The following VDR variants were observed in gnomAD, a reference collection of about 807,000 sequenced individuals.
VDR encodes vitamin D receptor.
A neutral mutation model predicts 39.7 loss-of-function variants in VDR; 19 were observed. That is an observed-to-expected ratio of 0.48 (90% CI 0.33 to 0.70). The LOEUF is 0.70. Ranked by LOEUF, VDR falls within the 30% of genes least tolerant of loss-of-function variation. The pLI is 0.02. For synonymous variants in VDR, 242 were observed against 215.8 expected, an observed-to-expected ratio of 1.12 and a Z score of -1.07; for missense variants, 442 against 570.5, an observed-to-expected ratio of 0.77 and a Z score of 2.29.
chr12:47,902,170 C>T (rs1054215641), intron 1 of VDR, among the ~76,000 whole-genome samples: 2 of 152,210 alleles, frequency 1.3e-5, no homozygotes, highest in African/African-American at 4.8e-5. Flanking sequence ...GTCCATTGTC[C>T]TGGTATAACC....
chr12:47,858,834 T>C (rs778392076), intron 4 of VDR, among the ~76,000 whole-genome samples: 16 of 152,278 alleles, frequency 1.1e-4, no homozygotes, highest in Non-Finnish European at 2.2e-4. Context: ...GAAAGGTCCA[T>C]TGGCCCAGGC....
intron 3 of VDR, among the ~76,000 whole-genome samples, chr12:47,877,001 A>G (rs1051935644): frequency 2.0e-5 from 3 of 152,218 alleles, no homozygotes; most frequent in African/African-American, 7.2e-5. Context: ...GACTGACAAG[A>G]TATGACCTTC....
In VDR at chr12:47,844,972, T is replaced by C. The variant is rs149373127; in HGVS notation, c.1058A>G (p.Glu353Gly). The change falls in exon 10 of 10, where the codon GAG (glutamate) becomes GGG (glycine). Residue 353 changes from glutamate to glycine, a missense_variant. This residue lies in a region of VDR where 173 missense variants were observed against 252.0 expected (regional missense o/e 0.69). Coordinates refer to ENST00000549336, the MANE Select transcript of VDR (RefSeq NM_000376.3). ...RPGVQDAALI[E>G]AIQDRLSNTL... ...GTTGGACAGGCGGTCCTGGATGGCC[T>C]CAATCAGCGCGGCGTCCTGCACCCC... The C allele has an allele frequency of 6.2e-7, 1 of 1,613,596 alleles. No individual in the cohort carries two copies. Among genetic ancestry groups the C allele is most frequent in the Non-Finnish European group, 8.5e-7 (1 of 1,179,968 alleles).
intron 1 of VDR, chr12:47,904,538 G>C (rs1349599929): frequency 6.6e-6 from 10 of 1,521,856 alleles, no homozygotes; most frequent in Non-Finnish European, 8.8e-7. Flanking sequence ...CCTGGGCCCT[G>C]TAAGACAATA....
Position 47,878,236 on chromosome 12 carries a change from C to T in VDR, c.146+732G>A, listed in dbSNP as rs142633391. Among the ~76,000 whole-genome samples, 19 of 152,272 alleles carry T rather than the reference C, an allele frequency of 1.2e-4. No individual in the cohort carries two copies. In the East Asian group the frequency reaches 3.5e-3, roughly 28 times the overall value. The stretch of plus-strand genomic sequence containing the variant: ...TCTCTCTCTCTCTCTCCAATACATG[C>T]CAAATGCTAATTTCTCATGATTCCC... On this transcript the variant is annotated intron_variant, in intron 3 of 9. Transcript: ENST00000549336.
intron 4 of VDR, among the ~76,000 whole-genome samples, chr12:47,864,442 C>T (rs1420040061): frequency 2.0e-5 from 3 of 152,200 alleles, no homozygotes; most frequent in African/African-American, 4.8e-5. Flanking sequence ...GTCCTAGAAC[C>T]CAGTGCTTCC....
intron 1 of VDR, among the ~76,000 whole-genome samples, chr12:47,901,930 C>T (rs768926291): frequency 3.9e-5 from 6 of 152,148 alleles, no homozygotes; most frequent in Non-Finnish European, 5.9e-5. Flanking sequence ...ACAGGGTGGC[C>T]GGGAGCAGTG....
intron 1 of VDR, among the ~76,000 whole-genome samples, chr12:47,896,306 G>A (rs1946464050): frequency 6.6e-6 from 1 of 152,186 alleles, no homozygotes; most frequent in Admixed American, 6.5e-5. Flanking sequence ...ATGATTTAAT[G>A]ACACAAAGCA....
At chr12:47,895,714 T>C (rs921239950) in intron 1 of VDR, among the ~76,000 whole-genome samples, 4 of 152,208 alleles carry the variant, frequency 2.6e-5, no homozygotes, top group African/African-American at 9.6e-5. Context: ...ATTACACATT[T>C]CATTTTTTTT....
chr12:47,903,106 G>C (rs1176147178), intron 1 of VDR, among the ~76,000 whole-genome samples: 1 of 152,234 alleles, frequency 6.6e-6, no homozygotes, highest in African/African-American at 2.4e-5. Flanking sequence ...TGCCGAAGAG[G>C]AGTAAAGGGT....
chr12:47,846,004 A>G (rs1945272097), intron 9 of VDR, among the ~76,000 whole-genome samples: 1 of 152,198 alleles, frequency 6.6e-6, no homozygotes. Context: ...AAATAACAGG[A>G]ATGTTGAGCC....
chr12:47,876,175 T>C (rs972270464), intron 3 of VDR, among the ~76,000 whole-genome samples: 1 of 152,070 alleles, frequency 6.6e-6, no homozygotes, highest in African/African-American at 2.4e-5. Flanking sequence ...TTTTAGCAAG[T>C]GGGCAGATTT....
At position 47,844,822 on chromosome 12, in the gene VDR, C is replaced by G. The variant is rs747959386; in HGVS notation, c.1208G>C (p.Cys403Ser). 6 of 1,614,104 alleles carry G rather than the reference C, an allele frequency of 3.7e-6. No individual in the cohort carries two copies. The highest frequency in any genetic ancestry group is 3.3e-5 in the Admixed American group (2 of 60,008). The change falls in exon 10 of 10, where the codon TGC (cysteine) becomes TCC (serine). Residue 403 changes from cysteine (C) to serine (S), a missense_variant. This residue lies in a region of VDR where 173 missense variants were observed against 252.0 expected (regional missense o/e 0.69). Coordinates refer to ENST00000549336, the MANE Select transcript of VDR (RefSeq NM_000376.3). Reference protein sequence around the residue: ...LNEEHSKQYRCLSFQPECSMK... With the variant: ...LNEEHSKQYRSLSFQPECSMK... ...GCTGCACTCAGGCTGGAAGGAGAGG[C>G]AGCGGTACTGCTTGGAGTGCTCCTC... is the stretch of plus-strand genomic sequence containing the variant.
intron 9 of VDR, among the ~76,000 whole-genome samples, chr12:47,845,480 C>T (rs1454183735): frequency 6.6e-6 from 1 of 152,090 alleles, no homozygotes; most frequent in Non-Finnish European, 1.5e-5. Flanking sequence ...CTATTCTACC[C>T]TTCTGTAGCA....
chr12:47,895,113 T>C (rs1200849570), intron 1 of VDR, among the ~76,000 whole-genome samples: 1 of 152,248 alleles, frequency 6.6e-6, no homozygotes, highest in East Asian at 1.9e-4. Context: ...TTACACTCTA[T>C]AAAAATACTA....
chr12:47,871,292 CTCTTTCTTTCTTTCTTTCTTTCTT>C (rs60835997), intron 3 of VDR, among the ~76,000 whole-genome samples: 38 of 79,880 alleles, frequency 4.8e-4, no homozygotes, highest in African/African-American at 1.1e-3. Context: ...CTTTCTCTTT[CTCTTTCTTTCTTTCTTTCTTTCTT>C]TCTTTCTTTC....
rs1441257620 is a variant in VDR, at chr12:47,846,375, C to T, written c.984G>A (p.Glu328=). 1 of 1,598,736 alleles carries T rather than the reference C, an allele frequency of 6.3e-7. No homozygotes were observed. Among genetic ancestry groups the T allele is most frequent in the African/African-American group, 1.3e-5 (1 of 74,440 alleles). The change falls in exon 9 of 10, where the codon GAG becomes GAA. Residue 328 remains glutamate (E), a synonymous_variant. Transcript: ENST00000549336. ...AGATGGCCATGAGCAGGACATGCTCCTCCTCATGCAAGTTCAGCTTCTTCA... is the reference window on the plus strand; with the variant it reads ...AGATGGCCATGAGCAGGACATGCTCTTCCTCATGCAAGTTCAGCTTCTTCA... The part of the protein sequence containing the change: ...VGLKKLNLHE[E]EHVLLMAICI...
chr12:47,876,861 A>G lies in VDR; in HGVS notation c.146+2107T>C, dbSNP rs531614785. Reference sequence around the variant, plus strand: ...CACTCCAGTGAGGAACTGGCCTCCAATGTGTCACCACCCAACCAGCTGCCA... The same window carrying G: ...CACTCCAGTGAGGAACTGGCCTCCAGTGTGTCACCACCCAACCAGCTGCCA... On this transcript the variant is annotated intron_variant, in intron 3 of 9. Transcript: ENST00000549336. 7.3e-4 allele frequency among the ~76,000 whole-genome samples: 111 copies of G among 152,288 alleles called. 1 individual carries two copies. The highest frequency in any genetic ancestry group is 2.6e-3 in the African/African-American group (109 of 41,544).
intron 1 of VDR, among the ~76,000 whole-genome samples, chr12:47,883,758 CCT>C (rs1396388857): frequency 6.6e-5 from 10 of 152,226 alleles, no homozygotes; most frequent in South Asian, 6.2e-4. Flanking sequence ...TCTTTGGAGA[CCT>C]CTGTCTTCCA....
Sources: gnomAD v4.1 joint callset for allele counts (sites outside exome capture counted in the v4.1 genomes callset) on GRCh38, gnomAD v4.1.1 for gene constraint, gnomAD v4.1.1 regional missense constraint, MANE v1.5 for transcripts, NCBI Gene and HGNC (gene_info 2026-07-23, HGNC 2026-07-21) for gene names.